NPR3: variants seen among roughly 807,000 people sequenced by gnomAD.
The protein encoded by NPR3 is natriuretic peptide receptor 3.
A neutral mutation model predicts 54.5 loss-of-function variants in NPR3; 34 were observed. That is an observed-to-expected ratio of 0.62 (90% CI 0.47 to 0.83). NPR3 has a LOEUF of 0.83. NPR3 is among the 40% of genes least tolerant of loss of function. The probability of loss-of-function intolerance (pLI) is 0.00; values close to 1 mark genes in which losing one functional copy is unlikely to be tolerated. For synonymous variants in NPR3, 289 were observed against 297.1 expected, an observed-to-expected ratio of 0.97 and a Z score of 0.28; for missense variants, 674 against 720.8, an observed-to-expected ratio of 0.94 and a Z score of 0.74.
At chr5:32,730,646 T>C (rs1052799094) in intron 2 of NPR3, among the ~76,000 whole-genome samples, 8 of 152,130 alleles carry the variant, frequency 5.3e-5, no homozygotes, top group African/African-American at 7.2e-5. Context: ...AGGTTCAACA[T>C]ACAAAAATCA....
At position 32,733,195 on chromosome 5, in the gene NPR3, A is replaced by C. The variant is rs1368705700; in HGVS notation, c.893-5669A>C. 2.0e-5 allele frequency among the ~76,000 whole-genome samples: 3 copies of C among 152,142 alleles called. No homozygotes were observed. The South Asian group carries it at 6.2e-4, about 32-fold the overall frequency. On this transcript the variant is annotated intron_variant, in intron 2 of 7. Transcript: ENST00000265074. ...TACTTGATGTTGGATTGAAAAAAAA[A>C]CATATTGATAGTGCGTCCATTATTA...
intron 3 of NPR3, among the ~76,000 whole-genome samples, chr5:32,764,443 T>A (rs1741336421): frequency 6.6e-6 from 1 of 152,094 alleles, no homozygotes; most frequent in Non-Finnish European, 1.5e-5. Context: ...AAATCTCTGC[T>A]AGCTACCGTC....
At chr5:32,771,191 G>A (rs1561125590) in intron 3 of NPR3, among the ~76,000 whole-genome samples, 1 of 152,176 alleles carries the variant, frequency 6.6e-6, no homozygotes, top group Non-Finnish European at 1.5e-5. Flanking sequence ...GGTCTCTGGG[G>A]CTTTGCTTCT....
intron 2 of NPR3, among the ~76,000 whole-genome samples, chr5:32,737,350 C>T (rs1561097704): frequency 6.6e-6 from 1 of 152,194 alleles, no homozygotes; most frequent in Admixed American, 6.5e-5. Context: ...GCTCACCCTG[C>T]CAATCTCAGG....
At chr5:32,771,221 T>C (rs752282367) in intron 3 of NPR3, among the ~76,000 whole-genome samples, 2 of 152,094 alleles carry the variant, frequency 1.3e-5, no homozygotes, top group Non-Finnish European at 2.9e-5. Flanking sequence ...TCCTGTGGGG[T>C]AGGTGTTATG....
chr5:32,739,800 C>T (rs918198923), intron 3 of NPR3, among the ~76,000 whole-genome samples: 2 of 152,194 alleles, frequency 1.3e-5, no homozygotes, highest in African/African-American at 4.8e-5. Flanking sequence ...GTGATGGGCA[C>T]CTTGGGCTAG....
chr5:32,749,559 C>T (rs188295755), intron 3 of NPR3, among the ~76,000 whole-genome samples: 13 of 152,234 alleles, frequency 8.5e-5, no homozygotes, highest in African/African-American at 2.6e-4. Flanking sequence ...TGTTATTCAA[C>T]GGATTATCCC....
intron 3 of NPR3, among the ~76,000 whole-genome samples, chr5:32,756,194 G>A (rs1740829776): frequency 1.3e-5 from 2 of 152,196 alleles, no homozygotes; most frequent in South Asian, 4.1e-4. Context: ...TCCACGAATG[G>A]TTGAACTAGT....
At chr5:32,726,141 C>A (rs1009397190) in intron 2 of NPR3, among the ~76,000 whole-genome samples, 1 of 152,142 alleles carries the variant, frequency 6.6e-6, no homozygotes, top group African/African-American at 2.4e-5. Flanking sequence ...GTGTGTATAT[C>A]ACAAATGGCA....
chr5:32,738,835 A>G, intron 2 of NPR3, 29 bp from the exon 3 acceptor site: 1 of 1,603,354 alleles, frequency 6.2e-7, no homozygotes, highest in Non-Finnish European at 8.5e-7. Flanking sequence ...GCTGGCTTGG[A>G]ATTATAAATA....
intron 3 of NPR3, among the ~76,000 whole-genome samples, chr5:32,756,429 T>C (rs1366026311): frequency 6.6e-6 from 1 of 152,224 alleles, no homozygotes; most frequent in Non-Finnish European, 1.5e-5. Context: ...TCATATCCTT[T>C]GCCTACTTTT....
In NPR3 at chr5:32,786,269, A is replaced by G. The variant is rs773886336; in HGVS notation, c.1550A>G (p.Gln517Arg). ...KYRITIERRT[Q>R]QEESNLGKHR... ...AGAATAACCATTGAGAGGCGAACCCAGCAAGAAGAAAGTAACCTTGGAAAA... is the reference window on the plus strand; with the variant it reads ...AGAATAACCATTGAGAGGCGAACCCGGCAAGAAGAAAGTAACCTTGGAAAA... The change falls in exon 8 of 8, where the codon CAG becomes CGG. Residue 517 changes from glutamine to arginine, a missense_variant. Transcript: ENST00000265074. 1.7e-5 allele frequency: 27 copies of G among 1,576,784 alleles called. No homozygotes were observed. The Admixed American group carries it at 3.7e-4, about 22-fold the overall frequency.
chr5:32,749,228 A>C (rs1280275906), intron 3 of NPR3, among the ~76,000 whole-genome samples: 2 of 152,258 alleles, frequency 1.3e-5, no homozygotes, highest in East Asian at 3.9e-4. Context: ...CTTAGAAAAA[A>C]AGGTGCTTCT....
intron 3 of NPR3, among the ~76,000 whole-genome samples, chr5:32,748,824 T>C (rs1282342154): frequency 2.6e-5 from 4 of 152,214 alleles, no homozygotes; most frequent in African/African-American, 9.6e-5. Flanking sequence ...TTATGAGCAC[T>C]TTTTGCTTGC....
intron 4 of NPR3, among the ~76,000 whole-genome samples, chr5:32,776,453 C>T (rs1443614710): frequency 6.6e-6 from 1 of 152,126 alleles, no homozygotes; most frequent in African/African-American, 2.4e-5. Flanking sequence ...TTTCTGGGTC[C>T]AAAAGTATGT....
chr5:32,782,487 C>A (rs575860207), intron 5 of NPR3, among the ~76,000 whole-genome samples: 85 of 152,194 alleles, frequency 5.6e-4, no homozygotes, highest in African/African-American at 2.0e-3. Context: ...TCCTTTTCCA[C>A]GAGGGGGTAG....
upstream of NPR3, among the ~76,000 whole-genome samples, chr5:32,705,776 C>T (rs773080242): frequency 9.9e-5 from 15 of 152,186 alleles, no homozygotes; most frequent in Non-Finnish European, 2.2e-4. Context: ...GGAAGACCAG[C>T]GATTAACAGC....
intron 3 of NPR3, among the ~76,000 whole-genome samples, 153 bp downstream of exon 3, chr5:32,739,183 G>GTGT (rs1554015445): frequency 8.4e-5 from 11 of 130,212 alleles, no homozygotes; most frequent in South Asian, 2.4e-4. Flanking sequence ...GTGTGTGTGT[G>GTGT]TTTTTTTTTT....
intron 3 of NPR3, among the ~76,000 whole-genome samples, chr5:32,767,550 C>A (rs576463291): frequency 2.5e-4 from 38 of 152,316 alleles, no homozygotes; most frequent in African/African-American, 8.7e-4. Context: ...CAAAATACTT[C>A]TATTTCTAGA....
Sources: allele counts gnomAD v4.1 joint callset (sites outside exome capture counted in the v4.1 genomes callset), GRCh38; gene constraint gnomAD v4.1.1; transcripts MANE v1.5; gene names NCBI Gene and HGNC (gene_info 2026-07-23, HGNC 2026-07-21).